GAB2: variants seen among roughly 807,000 people sequenced by gnomAD.
GAB2 encodes the protein GRB2 associated binding protein 2.
In GAB2, 26 loss-of-function variants were observed where a neutral mutation model predicts 65.5. The ratio of observed to expected loss-of-function variants is 0.40; its 90% CI spans 0.29 to 0.55. The LOEUF is 0.55. Among genes scored for constraint, GAB2 ranks in the 20% least tolerant of loss-of-function variants. The pLI is 0.53. For missense variants in GAB2, 884 were observed against 875.8 expected (o/e 1.01, Z -0.12); for synonymous variants, 321 against 329.6 (o/e 0.97, Z 0.28).
chr11:78,361,189 C>T (rs938849471), intron 1 of GAB2, among the ~76,000 whole-genome samples: 2 of 152,030 alleles, frequency 1.3e-5, no homozygotes, highest in African/African-American at 4.8e-5. Flanking sequence ...TGAACCTGTA[C>T]CTCTAAGCAT....
chr11:78,220,532 GT>G (rs1864372522), intron 8 of GAB2, 88 bp from the exon 9 acceptor site: 3 of 1,160,800 alleles, frequency 2.6e-6, no homozygotes, highest in Admixed American at 2.4e-5. Context: ...TAAGAACACT[GT>G]TTCCCTGAGC....
chr11:78,283,267 G>A (rs1437956726), intron 1 of GAB2, among the ~76,000 whole-genome samples: 2 of 152,196 alleles, frequency 1.3e-5, no homozygotes, highest in Non-Finnish European at 2.9e-5. Flanking sequence ...GTAGCTGTGA[G>A]CTCTGTTACT....
At position 78,322,298 on chromosome 11, in the gene GAB2, C is replaced by CAAAAAAAAAAAAAAAAAAAAAAAAA. The variant is rs56709163; in HGVS notation, c.76-41422_76-41398dup. On this transcript the variant is annotated intron_variant, in intron 1 of 9. Coordinates refer to ENST00000361507, the MANE Select transcript of GAB2 (RefSeq NM_080491.3). ...TGGCTGACAGAGGGAGACTCTGTCT[C>CAAAAAAAAAAAAAAAAAAAAAAAAA]AAAAAAAAAAAAAAAAAAAAAAAAA... Among the ~76,000 whole-genome samples the CAAAAAAAAAAAAAAAAAAAAAAAAA allele has an allele frequency of 1.7e-4, 2 of 12,076 alleles. 1 individual carries two copies. The highest frequency in any genetic ancestry group is 4.5e-4 in the Non-Finnish European group (2 of 4,428). 7.9% of individuals were successfully genotyped at this position (12,076 alleles called of 152,430 possible).
chr11:78,276,378 T>C (rs1359177131), intron 2 of GAB2, among the ~76,000 whole-genome samples: 3 of 152,132 alleles, frequency 2.0e-5, no homozygotes, highest in Non-Finnish European at 4.4e-5. Context: ...CCCAAATAGC[T>C]TGGATTACAG....
chr11:78,292,423 T>A (rs766070319), intron 1 of GAB2, among the ~76,000 whole-genome samples: 1 of 152,212 alleles, frequency 6.6e-6, no homozygotes, highest in Non-Finnish European at 1.5e-5. Flanking sequence ...TTATCTTTGG[T>A]ATACCAAAGT....
Position 78,226,678 on chromosome 11 carries a change from G to A in GAB2, c.994C>T (p.Leu332=). ...SAYQIPRTFT[L]DKNHNAMTVA... ...GTCATGGCATTGTGGTTTTTGTCCA[G>A]AGTGAATGTCCTAGGGATCTGGTAG... Residue 332 remains leucine, a synonymous_variant, in exon 4 of 10, where the codon CTG becomes TTG. Transcript: ENST00000361507. 2 of 1,614,078 alleles carry A rather than the reference G, an allele frequency of 1.2e-6. No homozygotes were observed. Among genetic ancestry groups the A allele is most frequent in the Non-Finnish European group, 1.7e-6 (2 of 1,179,964 alleles).
rs111361669 is a variant in GAB2, at chr11:78,246,500, T to G, written c.620+3657A>C. Among the ~76,000 whole-genome samples the G allele has an allele frequency of 3.1e-3, 475 of 152,194 alleles. 2 individuals carry two copies. Among genetic ancestry groups the G allele is most frequent in the African/African-American group, 0.011 (442 of 41,536 alleles). ...ATAATCCCATGGAGAAGTGCTATTT[T>G]TTTGTTTGTTTGTTTTGAGACAGGG... is the stretch of plus-strand genomic sequence containing the variant. On this transcript the variant is annotated intron_variant, in intron 3 of 9. Coordinates refer to ENST00000361507, the MANE Select transcript of GAB2 (RefSeq NM_080491.3).
intron 1 of GAB2, among the ~76,000 whole-genome samples, chr11:78,367,713 TGCAG>T (rs1236474745): frequency 1.6e-4 from 25 of 152,204 alleles, no homozygotes; most frequent in Non-Finnish European, 1.3e-4. Context: ...GCTACTGGGC[TGCAG>T]GCAGAAGATC....
At chr11:78,380,248 G>A (rs557417273) in intron 1 of GAB2, among the ~76,000 whole-genome samples, 14 of 149,944 alleles carry the variant, frequency 9.3e-5, no homozygotes, top group South Asian at 4.2e-4. Context: ...TCGCTCTGTC[G>A]CCAGGCTGAA....
intron 1 of GAB2, among the ~76,000 whole-genome samples, chr11:78,315,621 G>A (rs1251690607): frequency 6.6e-6 from 1 of 152,114 alleles, no homozygotes; most frequent in East Asian, 1.9e-4. Flanking sequence ...ATGTTTTCTT[G>A]GATGTGACAC....
intron 2 of GAB2, among the ~76,000 whole-genome samples, chr11:78,272,541 TA>T (rs1866043955): frequency 6.6e-6 from 1 of 152,176 alleles, no homozygotes; most frequent in Admixed American, 6.5e-5. Context: ...AAGAAATTTC[TA>T]AGAAGCAAAG....
At chr11:78,360,785 G>C (rs1774755578) in intron 1 of GAB2, among the ~76,000 whole-genome samples, 1 of 152,146 alleles carries the variant, frequency 6.6e-6, no homozygotes, top group Non-Finnish European at 1.5e-5. Flanking sequence ...CTTGAACTTA[G>C]GAGGCGGCAG....
intron 1 of GAB2, among the ~76,000 whole-genome samples, chr11:78,416,561 G>A (rs908101597): frequency 6.6e-6 from 1 of 152,172 alleles, no homozygotes; most frequent in Non-Finnish European, 1.5e-5. Flanking sequence ...TCCAGGCTGT[G>A]GGAGTGATCC....
At chr11:78,293,873 A>G (rs999882424) in intron 1 of GAB2, among the ~76,000 whole-genome samples, 1 of 152,178 alleles carries the variant, frequency 6.6e-6, no homozygotes, top group African/African-American at 2.4e-5. Context: ...GAGAGCATGC[A>G]AGCAGGTTAA....
intron 1 of GAB2, among the ~76,000 whole-genome samples, chr11:78,343,226 A>G (rs758852482): frequency 3.9e-5 from 6 of 152,210 alleles, no homozygotes; most frequent in Non-Finnish European, 7.3e-5. Flanking sequence ...TGACTTACAC[A>G]TGAAGATAAC....
At chr11:78,369,141 CA>C (rs566107327) in intron 1 of GAB2, among the ~76,000 whole-genome samples, 5,503 of 59,820 alleles carry the variant, frequency 0.092, 296 homozygotes, top group African/African-American at 0.25. Flanking sequence ...GACCCTGTCT[CA>C]AAAAAAAAAA....
At chr11:78,267,731 A>C (rs1007886990) in intron 2 of GAB2, among the ~76,000 whole-genome samples, 1 of 151,652 alleles carries the variant, frequency 6.6e-6, no homozygotes, top group Non-Finnish European at 1.5e-5. Flanking sequence ...AGTGGCAGGC[A>C]CCTGTAGTCC....
chr11:78,239,791 A>T (rs556459402), intron 3 of GAB2, among the ~76,000 whole-genome samples: 1 of 152,296 alleles, frequency 6.6e-6, no homozygotes, highest in East Asian at 1.9e-4. Context: ...CCTCATAGGC[A>T]CTAAGCCCAG....
At chr11:78,280,448 C>G (rs1208119906) in intron 2 of GAB2, 153 bp downstream of exon 2, 1 of 679,230 alleles carries the variant, frequency 1.5e-6, no homozygotes, top group East Asian at 2.5e-5. Flanking sequence ...AGGTGTCCCT[C>G]TAATATTTGG....
Sources: allele counts gnomAD v4.1 joint callset (sites outside exome capture counted in the v4.1 genomes callset), GRCh38; gene constraint gnomAD v4.1.1; transcripts MANE v1.5; gene names NCBI Gene and HGNC (gene_info 2026-07-23, HGNC 2026-07-21).